SCARA3: variants seen among roughly 807,000 people sequenced by gnomAD.
The protein encoded by SCARA3 is cellular stress response gene protein.
Under a neutral mutation model 47.0 loss-of-function variants are expected in SCARA3, and 39 were observed. The observed-to-expected ratio is 0.83, with a 90% CI of 0.64 to 1.08. The LOEUF is 1.08. Ranked by LOEUF, SCARA3 falls within the 50% of genes least tolerant of loss-of-function variation. SCARA3 has a pLI of 0.00. For synonymous variants in SCARA3, 356 were observed against 334.1 expected, an observed-to-expected ratio of 1.07 and a Z score of -0.71; for missense variants, 724 against 792.3, an observed-to-expected ratio of 0.91 and a Z score of 1.04.
the SCARA3 span, chr8:27,701,868 T>A: frequency 1.3e-5 from 2 of 154,362 alleles, no homozygotes; most frequent in Admixed American, 1.3e-4. Context: ...TTCCTGGGCT[T>A]CCTGAGCTAA....
At chr8:27,662,881 A>T (rs1801941050) in intron 5 of SCARA3, among the ~76,000 whole-genome samples, 1 of 152,252 alleles carries the variant, frequency 6.6e-6, no homozygotes, top group South Asian at 2.1e-4. Context: ...AAAGAGGCTG[A>T]CTAGTATCTA....
chr8:27,679,835 C>T (rs548476834), downstream of SCARA3: 88 of 152,258 alleles, frequency 5.8e-4, no homozygotes, highest in African/African-American at 2.1e-3. Context: ...TCCACAAGTA[C>T]CTGTTACAGC....
the SCARA3 span, among the ~76,000 whole-genome samples, chr8:27,699,026 T>C: frequency 2.2e-4 from 33 of 151,998 alleles, no homozygotes; most frequent in African/African-American, 7.5e-4. Context: ...AGGTGGATCA[T>C]GAGGTCAGGA....
At chr8:27,707,504 G>C in the SCARA3 span, among the ~76,000 whole-genome samples, 1 of 151,390 alleles carries the variant, frequency 6.6e-6, no homozygotes. Context: ...CAACAGAAAG[G>C]CCAGAATATG....
chr8:27,708,036 C>A, the SCARA3 span, among the ~76,000 whole-genome samples: 1 of 152,044 alleles, frequency 6.6e-6, no homozygotes, highest in African/African-American at 2.4e-5. Context: ...AATAGGCCAG[C>A]AAAGCAAAAG....
chr8:27,646,626 G>A (rs879421180), intron 1 of SCARA3, among the ~76,000 whole-genome samples: 2 of 152,134 alleles, frequency 1.3e-5, no homozygotes, highest in Non-Finnish European at 2.9e-5. Context: ...CGGTAGCCCC[G>A]GGGCAGTGGT....
rs1802157876 is a variant in SCARA3, at chr8:27,671,559, CACACATGCAT to C, written c.*209_*218del. The C allele has an allele frequency of 7.8e-7, 1 of 1,279,196 alleles. No homozygotes were observed. Among genetic ancestry groups the C allele is most frequent in the African/African-American group, 1.5e-5 (1 of 64,814 alleles). The allele number at this position is 1,279,196 out of a possible 1,614,324, so 79.2% of individuals were successfully genotyped here. On this transcript the variant is annotated 3_prime_UTR_variant, in exon 6 of 6. Transcript: ENST00000301904. Reference sequence around the variant, plus strand: ...CCTCACACATACATGTGCACATGCACACACATGCATGCACACACATGCACACATACACGCA... The same window carrying C: ...CCTCACACATACATGTGCACATGCACGCACACACATGCACACATACACGCA...
chr8:27,718,172 C>T, the SCARA3 span, among the ~76,000 whole-genome samples: 36 of 152,376 alleles, frequency 2.4e-4, no homozygotes, highest in African/African-American at 8.4e-4. Flanking sequence ...AGATCAAAAG[C>T]TACCTTCTCT....
Position 27,672,325 on chromosome 8 carries a change from G to C in SCARA3, c.*974G>C, listed in dbSNP as rs577048935. 2 of 985,502 alleles carry C rather than the reference G, an allele frequency of 2.0e-6. No homozygotes were observed. Among genetic ancestry groups the C allele is most frequent in the South Asian group, 4.7e-5 (1 of 21,290 alleles). 61.0% of individuals were successfully genotyped at this position (985,502 alleles called of 1,614,324 possible). A position where few individuals can be genotyped will look rare whatever the true frequency, so the allele number is the denominator to read the frequency against. On this transcript the variant is annotated 3_prime_UTR_variant, in exon 6 of 6. Transcript: ENST00000301904. The stretch of plus-strand genomic sequence containing the variant: ...AGTTTCATCTGCATGGGGGCACTCT[G>C]CAGGCCCTGGAACATTGGGCCTGAG...
At chr8:27,634,397 G>GA (rs1490945877) in intron 1 of SCARA3, among the ~76,000 whole-genome samples, 190 bp downstream of exon 1, 1 of 152,188 alleles carries the variant, frequency 6.6e-6, no homozygotes, top group Non-Finnish European at 1.5e-5. Flanking sequence ...GCAAAGAGGA[G>GA]AGGGAGGATG....
the SCARA3 span, among the ~76,000 whole-genome samples, chr8:27,689,414 A>T: frequency 2.0e-5 from 3 of 152,162 alleles, no homozygotes; most frequent in African/African-American, 7.2e-5. Flanking sequence ...GATGAAAAGC[A>T]TGATTATCCT....
At chr8:27,660,873 G>GAT (rs1801899766) in intron 5 of SCARA3, among the ~76,000 whole-genome samples, 1 of 150,722 alleles carries the variant, frequency 6.6e-6, no homozygotes, top group African/African-American at 2.4e-5. Flanking sequence ...TAGATAGATA[G>GAT]ATAGATAGAT....
At chr8:27,678,015 A>G (rs1322396795), downstream of SCARA3, among the ~76,000 whole-genome samples, 2 of 152,224 alleles carry the variant, frequency 1.3e-5, no homozygotes, top group Non-Finnish European at 2.9e-5. Context: ...TGAAAACATA[A>G]CATATGAAAT....
chr8:27,712,019 A>T, the SCARA3 span, among the ~76,000 whole-genome samples: 154 of 152,302 alleles, frequency 1.0e-3, no homozygotes, highest in African/African-American at 3.5e-3. Flanking sequence ...ACAGTAGGAG[A>T]ATAAAACAAG....
chr8:27,705,907 GA>G, the SCARA3 span, among the ~76,000 whole-genome samples: 78 of 152,068 alleles, frequency 5.1e-4, no homozygotes, highest in Non-Finnish European at 7.4e-4. Flanking sequence ...CAAAAAGAAA[GA>G]AAAAGCAATG....
chr8:27,711,372 C>A, the SCARA3 span, among the ~76,000 whole-genome samples: 1 of 152,306 alleles, frequency 6.6e-6, no homozygotes, highest in African/African-American at 2.4e-5. Flanking sequence ...CAATCCATTG[C>A]ACTTATTTTT....
chr8:27,665,137 G>A (rs1801990091), intron 5 of SCARA3, among the ~76,000 whole-genome samples: 1 of 152,200 alleles, frequency 6.6e-6, no homozygotes, highest in Non-Finnish European at 1.5e-5. Flanking sequence ...TGTGGAAGGT[G>A]CCAAGTCCTG....
the SCARA3 span, among the ~76,000 whole-genome samples, chr8:27,727,450 C>T: frequency 2.6e-5 from 4 of 152,210 alleles, no homozygotes; most frequent in African/African-American, 7.2e-5. Context: ...CGCTGCATCT[C>T]TTCTTTCTCT....
chr8:27,661,295 A>G (rs1323040187), intron 5 of SCARA3, among the ~76,000 whole-genome samples: 2 of 152,330 alleles, frequency 1.3e-5, no homozygotes, highest in East Asian at 1.9e-4. Context: ...GACAACAGTA[A>G]GGTCATAATT....
Sources: gnomAD v4.1 joint callset for allele counts (sites outside exome capture counted in the v4.1 genomes callset) on GRCh38, gnomAD v4.1.1 for gene constraint, MANE v1.5 for transcripts, NCBI Gene and HGNC (gene_info 2026-07-23, HGNC 2026-07-21) for gene names.